Variants in FRMPD4 observed in about 807,000 individuals in gnomAD.
FRMPD4 encodes the protein FERM and PDZ domain-containing protein 4.
Under a neutral mutation model 94.1 loss-of-function variants are expected in FRMPD4, and 22 were observed. That is an observed-to-expected ratio of 0.23 (90% CI 0.17 to 0.33). FRMPD4 has a LOEUF of 0.33. Among genes scored for constraint, FRMPD4 ranks in the 10% least tolerant of loss-of-function variants. FRMPD4 has a pLI of 1.00. For missense variants in FRMPD4, 1,111 were observed against 1,339.9 expected, an observed-to-expected ratio of 0.83 and a Z score of 2.67; for synonymous variants, 631 against 548.6, an observed-to-expected ratio of 1.15 and a Z score of -2.10.
intron 4 of FRMPD4, among the ~76,000 whole-genome samples, chrX:12,626,163 C>CA (rs2059344734): frequency 9.1e-6 from 1 of 109,334 alleles, no homozygotes; most frequent in African/African-American, 3.3e-5. Context: ...CTGGTCTCTA[C>CA]AAAAAAATTT....
chrX:11,983,783 G>T (rs759279246), intron 3 of FRMPD4, among the ~76,000 whole-genome samples: 58 of 111,365 alleles, frequency 5.2e-4, no homozygotes, highest in Non-Finnish European at 9.4e-4. Context: ...GGAATTAAAA[G>T]ATAAAAATAA....
At position 11,912,284 on chromosome X, in the gene FRMPD4, C is replaced by T. The variant is rs1044168297; in HGVS notation, c.95+34266C>T. On this transcript the variant is annotated intron_variant, in intron 3 of 18. Transcript: ENST00000640291. The stretch of plus-strand genomic sequence containing the variant: ...GGAATATTACCCTTGGAAATGGAAG[C>T]TCATGCTTAACACAAGACAAATCTT... Among the ~76,000 whole-genome samples, 9 of 112,242 alleles carry T rather than the reference C, an allele frequency of 8.0e-5. No individual in the cohort carries two copies. The Admixed American group carries it at 8.5e-4, about 11-fold the overall frequency.
intron 1 of FRMPD4, among the ~76,000 whole-genome samples, chrX:11,844,070 C>T (rs916794719): frequency 1.5e-4 from 16 of 104,932 alleles, no homozygotes; most frequent in Non-Finnish European, 3.9e-5. Flanking sequence ...TCACTACAAC[C>T]TCTGCCTCCC....
At chrX:12,094,512 G>T (rs1369069413) in intron 3 of FRMPD4, among the ~76,000 whole-genome samples, 1 of 111,924 alleles carries the variant, frequency 8.9e-6, no homozygotes, top group Non-Finnish European at 1.9e-5. Context: ...TCCCAGACTT[G>T]CAGTCCATGG....
At chrX:12,567,182 G>T (rs948910769) in intron 2 of FRMPD4, among the ~76,000 whole-genome samples, 1 of 111,620 alleles carries the variant, frequency 9.0e-6, no homozygotes, top group African/African-American at 3.3e-5. Flanking sequence ...TTAAATTATT[G>T]TAATAAATAC....
chrX:12,331,074 A>G (rs2055363872), intron 1 of FRMPD4, among the ~76,000 whole-genome samples: 1 of 111,826 alleles, frequency 8.9e-6, no homozygotes, highest in African/African-American at 3.2e-5. Context: ...ATGTCAATTA[A>G]TGGGCATGTC....
At chrX:11,888,284 C>T (rs1178708227) in intron 3 of FRMPD4, among the ~76,000 whole-genome samples, 1 of 111,486 alleles carries the variant, frequency 9.0e-6, no homozygotes, top group Non-Finnish European at 1.9e-5. Context: ...TTCAAGAGTC[C>T]TATGTTGTCA....
chrX:12,086,356 G>C (rs1047946699), intron 3 of FRMPD4, among the ~76,000 whole-genome samples: 1 of 112,105 alleles, frequency 8.9e-6, no homozygotes, highest in Non-Finnish European at 1.9e-5. Flanking sequence ...CTCTGAAACT[G>C]TTTTGTTGTT....
intron 1 of FRMPD4, among the ~76,000 whole-genome samples, chrX:12,324,583 A>G (rs777155950): frequency 8.9e-6 from 1 of 112,022 alleles, no homozygotes; most frequent in South Asian, 3.7e-4. Flanking sequence ...TTGAAAATAA[A>G]CATGCTACAG....
chrX:12,388,189 C>T, intron 1 of FRMPD4, among the ~76,000 whole-genome samples: 1 of 111,513 alleles, frequency 9.0e-6, no homozygotes. Flanking sequence ...AGGGTCTATA[C>T]ATATGTAAAA....
At chrX:12,720,043 AGGAAAG>A (rs755867930) in intron 16 of FRMPD4, among the ~76,000 whole-genome samples, 4,015 of 36,828 alleles carry the variant, frequency 0.11, 112 homozygotes, top group Middle Eastern at 0.21. Context: ...AGGAAAGGAA[AGGAAAG>A]GAAAGAAAGA....
intron 1 of FRMPD4, among the ~76,000 whole-genome samples, chrX:12,451,885 C>T (rs1461431383): frequency 9.0e-6 from 1 of 110,517 alleles, no homozygotes; most frequent in Non-Finnish European, 1.9e-5. Flanking sequence ...TCACTTCTCA[C>T]CTTCTCCTTG....
chrX:12,337,712 A>C (rs943711670), intron 1 of FRMPD4, among the ~76,000 whole-genome samples: 1 of 112,410 alleles, frequency 8.9e-6, no homozygotes, highest in South Asian at 3.7e-4. Context: ...GACCATTCAA[A>C]AAAAGGCAGT....
At chrX:12,567,561 G>T (rs1179458953) in intron 2 of FRMPD4, among the ~76,000 whole-genome samples, 2 of 112,489 alleles carry the variant, frequency 1.8e-5, no homozygotes, top group African/African-American at 6.5e-5. Flanking sequence ...TGTGGCCAAT[G>T]CTGAACCAGA....
At chrX:12,311,661 G>A (rs747556673) in intron 1 of FRMPD4, among the ~76,000 whole-genome samples, 1 of 110,340 alleles carries the variant, frequency 9.1e-6, no homozygotes, top group East Asian at 2.8e-4. Flanking sequence ...ATTCTTAAAA[G>A]GTATTTTTGT....
chrX:12,233,977 A>ATTTATTTAT (rs2057042412), intron 1 of FRMPD4, among the ~76,000 whole-genome samples: 5 of 103,223 alleles, frequency 4.8e-5, no homozygotes, highest in East Asian at 6.3e-4. Context: ...GAATGAATGA[A>ATTTATTTAT]TTATTTATTT....
intron 3 of FRMPD4, among the ~76,000 whole-genome samples, chrX:12,061,102 C>A (rs781052564): frequency 7.2e-5 from 8 of 111,704 alleles, no homozygotes; most frequent in Non-Finnish European, 1.3e-4. Flanking sequence ...GGGAGATGCC[C>A]AGGAAAATGA....
intron 1 of FRMPD4, among the ~76,000 whole-genome samples, chrX:12,175,527 T>G (rs902317195): frequency 5.4e-5 from 6 of 112,027 alleles, no homozygotes; most frequent in African/African-American, 2.0e-4. Context: ...ATTTTTGTTG[T>G]TGTCGTTGTT....
upstream of FRMPD4, among the ~76,000 whole-genome samples, chrX:12,137,566 T>TG (rs1160329009): frequency 2.7e-5 from 3 of 111,333 alleles, no homozygotes; most frequent in African/African-American, 6.5e-5. Context: ...CTTCACAGTC[T>TG]GGGGGGAAAT....
Sources: allele counts gnomAD v4.1 joint callset (sites outside exome capture counted in the v4.1 genomes callset), GRCh38; gene constraint gnomAD v4.1.1; transcripts MANE v1.5; gene names NCBI Gene and HGNC (gene_info 2026-07-23, HGNC 2026-07-21).